PIGG: variants seen among roughly 807,000 people sequenced by gnomAD.
PIGG encodes the protein GPI ethanolamine phosphate transferase 2, catalytic subunit.
Under a neutral mutation model 83.2 loss-of-function variants are expected in PIGG, and 70 were observed. The observed-to-expected ratio is 0.84, with a 90% CI of 0.69 to 1.03. PIGG has a LOEUF of 1.03. Among genes scored for constraint, PIGG ranks in the 50% least tolerant of loss-of-function variants. PIGG has a pLI of 0.00. For missense variants in PIGG, 1,257 were observed against 1,233.6 expected, an observed-to-expected ratio of 1.02 and a Z score of -0.28; for synonymous variants, 532 against 519.5, an observed-to-expected ratio of 1.02 and a Z score of -0.33.
intron 3 of PIGG, chr4:506,711 T>C (rs17721401): frequency 0.25 from 113,945 of 454,484 alleles, 15,733 homozygotes; most frequent in Non-Finnish European, 0.29. Flanking sequence ...GACAGCTCTA[T>C]TGGGGGCTGA....
At chr4:522,024 C>T (rs765304706) in intron 8 of PIGG, 83 bp downstream of exon 8, 1 of 1,476,258 alleles carries the variant, frequency 6.8e-7, no homozygotes, top group Non-Finnish European at 9.4e-7. Flanking sequence ...TTTCGTTTAC[C>T]AGACTCTGGT....
intron 9 of PIGG, 188 bp from the exon 10 acceptor site, chr4:526,851 G>A: frequency 1.4e-6 from 1 of 700,370 alleles, no homozygotes; most frequent in Non-Finnish European, 2.4e-6. Flanking sequence ...CCCCACTGAG[G>A]TTGACCATCT....
At chr4:535,654 G>A (rs1051837201) in intron 12 of PIGG, among the ~76,000 whole-genome samples, 5 of 152,126 alleles carry the variant, frequency 3.3e-5, no homozygotes, top group Non-Finnish European at 5.9e-5. Flanking sequence ...CGTCGCTCTC[G>A]CGGTGCTGAC....
rs766431104 is a variant in PIGG at position 527,136 on chromosome 4, G to C, written c.2167G>C (p.Ala723Pro). Residue 723 changes from alanine (A) to proline (P), a missense_variant, in exon 10 of 13, where the codon GCC becomes CCC. Transcript: ENST00000453061. ...GGGGTGCTCCCCTGTGTCCAAGGCT[G>C]CCCTGGCGCTGGGGCTGCTGGGCGT... ...QRGCSPVSKA[A>P]LALGLLGVYC... The C allele has an allele frequency of 4.3e-6, 7 of 1,614,076 alleles. No homozygotes were observed. The East Asian group carries it at 1.6e-4, about 36-fold the overall frequency.
Position 528,095 on chromosome 4 carries a change from G to A in PIGG, c.2261+865G>A, listed in dbSNP as rs1231571071. 2.0e-6 allele frequency: 2 copies of A among 985,176 alleles called. No individual in the cohort carries two copies. Among genetic ancestry groups the A allele is most frequent in the Non-Finnish European group, 1.2e-6 (1 of 829,886 alleles). The allele number at this position is 985,176 out of a possible 1,614,324, so 61.0% of individuals were successfully genotyped here. A position where few individuals can be genotyped will look rare whatever the true frequency, so the allele number is the denominator to read the frequency against. Reference sequence around the variant, plus strand: ...CAGTGACCGTCCCAGTGAGGTCGGTGCTCTGATAGTGACCCTCTCAGTGAG... The same window carrying A: ...CAGTGACCGTCCCAGTGAGGTCGGTACTCTGATAGTGACCCTCTCAGTGAG... On this transcript the variant is annotated intron_variant, in intron 10 of 12. Transcript: ENST00000453061. This position sits in a 1 kb window ranked among gnomAD's most constrained non-coding sequence, Gnocchi z 4.8.
At chr4:507,825 A>T (rs1553880729) in intron 4 of PIGG, among the ~76,000 whole-genome samples, 1 of 152,180 alleles carries the variant, frequency 6.6e-6, no homozygotes, top group Non-Finnish European at 1.5e-5. Context: ...GTATGCATTC[A>T]TTCAACTAAT....
chr4:529,288 G>T (rs1378638423), intron 10 of PIGG, among the ~76,000 whole-genome samples: 1 of 152,176 alleles, frequency 6.6e-6, no homozygotes, highest in Non-Finnish European at 1.5e-5. Context: ...TTTGAATGCA[G>T]ATGGGCCTAT....
intron 9 of PIGG, chr4:524,579 A>C (rs1177462065): frequency 6.6e-6 from 1 of 152,242 alleles, no homozygotes; most frequent in Non-Finnish European, 1.5e-5. Flanking sequence ...GAATGCGCTC[A>C]TTACTGCGAA....
chr4:512,857 T>C (rs1722637845), intron 5 of PIGG, among the ~76,000 whole-genome samples: 1 of 152,162 alleles, frequency 6.6e-6, no homozygotes, highest in Non-Finnish European at 1.5e-5. Context: ...TCTTTATTGA[T>C]ATTCTCTATT....
At chr4:530,223 TG>T (rs1728687476) in intron 10 of PIGG, among the ~76,000 whole-genome samples, 1 of 152,128 alleles carries the variant, frequency 6.6e-6, no homozygotes, top group Admixed American at 6.5e-5. Flanking sequence ...CCTGTGGGCC[TG>T]TGGCGGCGGC....
At chr4:534,126 G>C (rs1729776242) in intron 12 of PIGG, 145 bp downstream of exon 12, 1 of 738,150 alleles carries the variant, frequency 1.4e-6, no homozygotes, top group African/African-American at 1.8e-5. Context: ...AATAGGGAAC[G>C]GTCCAAAGCT....
rs1190993272 is a variant in PIGG at position 521,722 on chromosome 4, C to T, written c.1395C>T (p.Val465=). ...QALRRKAELE[V]PLSSPGFSLL... ...TGCGCAGAAAGGCTGAGCTGGAAGT[C>T]CCACTGTCATCTCCTGGGTTTTCTC... Residue 465 remains valine, a synonymous_variant, in exon 8 of 13, where the codon GTC becomes GTT. Transcript: ENST00000453061. The T allele has an allele frequency of 1.2e-6, 2 of 1,613,966 alleles. No individual in the cohort carries two copies. The highest frequency in any genetic ancestry group is 1.1e-5 in the South Asian group (1 of 91,092).
chr4:527,391 A>T (rs1429778562), intron 10 of PIGG, 161 bp downstream of exon 10: 1 of 1,390,574 alleles, frequency 7.2e-7, no homozygotes, highest in Non-Finnish European at 9.3e-7. Context: ...GATTGTGTCA[A>T]CAGCTACTGG....
rs1248754355 is a variant in PIGG at position 523,930 on chromosome 4, G to GT, written c.2069+18dup. 1.4e-6 allele frequency: 2 copies of GT among 1,462,122 alleles called. No individual in the cohort carries two copies. The highest frequency in any genetic ancestry group is 2.8e-5 in the African/African-American group (2 of 70,764). 90.6% of individuals were successfully genotyped at this position (1,462,122 alleles called of 1,614,324 possible). ...GCTCACCAGGTGAGAGCGTAGGCCC[G>GT]TGGCCACAGGCCAGACTTTCTACGG... On this transcript the variant is annotated intron_variant, in intron 9 of 12. Coordinates refer to ENST00000453061, the MANE Select transcript of PIGG (RefSeq NM_001127178.3).
At chr4:539,122 T>C in intron 12 of PIGG, 31 bp from the exon 13 acceptor site, 1 of 1,366,046 alleles carries the variant, frequency 7.3e-7, no homozygotes, top group Non-Finnish European at 1.0e-6. Flanking sequence ...AAGTGGCATG[T>C]GCTAATACAC....
intron 12 of PIGG, among the ~76,000 whole-genome samples, chr4:537,598 G>T (rs1005531583): frequency 1.3e-5 from 2 of 152,222 alleles, no homozygotes; most frequent in African/African-American, 4.8e-5. Flanking sequence ...ACCAAGTGGT[G>T]ACCAGCGGTA....
chr4:529,212 G>T (rs191543083), intron 10 of PIGG, among the ~76,000 whole-genome samples: 1 of 152,330 alleles, frequency 6.6e-6, no homozygotes, highest in African/African-American at 2.4e-5. Flanking sequence ...TCTCGACACA[G>T]AAACCAGTCC....
rs537820441 is a variant in PIGG at position 502,522 on chromosome 4, A to C, written c.360+1921A>C. Reference sequence around the variant, plus strand: ...ACCCTGACATGTCCAGTGTGCTTTCACTTGCTAAGACCCTGCAGCAGCTTT... The same window carrying C: ...ACCCTGACATGTCCAGTGTGCTTTCCCTTGCTAAGACCCTGCAGCAGCTTT... On this transcript the variant is annotated intron_variant, in intron 2 of 12. Coordinates refer to ENST00000453061, the MANE Select transcript of PIGG (RefSeq NM_001127178.3). Among the ~76,000 whole-genome samples, 6 of 152,314 alleles carry C rather than the reference A, an allele frequency of 3.9e-5. No individual in the cohort carries two copies. In the South Asian group the frequency reaches 8.3e-4, roughly 21 times the overall value.
chr4:534,027 C>A, intron 12 of PIGG, 46 bp downstream of exon 12: 1 of 1,584,766 alleles, frequency 6.3e-7, no homozygotes, highest in Non-Finnish European at 8.7e-7. Context: ...GGCCGGCTGC[C>A]TGGTTTTAAG....
Sources: allele counts gnomAD v4.1 joint callset (sites outside exome capture counted in the v4.1 genomes callset), GRCh38; gene constraint gnomAD v4.1.1; non-coding constraint Gnocchi (gnomAD v3.1); transcripts MANE v1.5; gene names NCBI Gene and HGNC (gene_info 2026-07-23, HGNC 2026-07-21).